The following COL5A2 variants were observed in gnomAD, a reference collection of about 807,000 sequenced individuals.
COL5A2 encodes collagen type V alpha 2 chain, also known as collagen alpha-2(V) chain.
A neutral mutation model predicts 208.2 loss-of-function variants in COL5A2; 23 were observed. That is an observed-to-expected ratio of 0.11 (90% CI 0.08 to 0.16). COL5A2 has a LOEUF of 0.16. Ranked by LOEUF, COL5A2 falls within the 10% of genes least tolerant of loss-of-function variation. COL5A2 has a pLI of 1.00. For synonymous variants in COL5A2, 625 were observed against 628.5 expected, an observed-to-expected ratio of 0.99 and a Z score of 0.08; for missense variants, 1,590 against 1,956.4, an observed-to-expected ratio of 0.81 and a Z score of 3.53.
the COL5A2 span, among the ~76,000 whole-genome samples, chr2:189,435,745 C>A: frequency 6.6e-6 from 1 of 152,178 alleles, no homozygotes; most frequent in Non-Finnish European, 1.5e-5. Flanking sequence ...TAAACTAGTT[C>A]AACCATTGTG....
At chr2:189,133,881 T>A (rs1411708704) in intron 1 of COL5A2, among the ~76,000 whole-genome samples, 1 of 152,094 alleles carries the variant, frequency 6.6e-6, no homozygotes, top group Non-Finnish European at 1.5e-5. Flanking sequence ...TTCCTTCAGG[T>A]GTTTATTTCT....
At chr2:189,295,578 G>A in the COL5A2 span, among the ~76,000 whole-genome samples, 1 of 152,184 alleles carries the variant, frequency 6.6e-6, no homozygotes, top group Admixed American at 6.5e-5. Context: ...TCACACCACT[G>A]CACTCCAGCC....
At chr2:189,183,625 A>G (rs1463625853), upstream of COL5A2, among the ~76,000 whole-genome samples, 2 of 152,142 alleles carry the variant, frequency 1.3e-5, no homozygotes, top group Non-Finnish European at 2.9e-5. Flanking sequence ...AGTCCCAAAG[A>G]TCTGAAATAG....
At chr2:189,252,803 TAA>T in the COL5A2 span, among the ~76,000 whole-genome samples, 6 of 152,022 alleles carry the variant, frequency 3.9e-5, no homozygotes, top group Admixed American at 2.0e-4. Flanking sequence ...ACATAAAAAA[TAA>T]AAAGACTCTA....
chr2:189,226,423 C>T (rs981837928), upstream of COL5A2, among the ~76,000 whole-genome samples: 3 of 152,132 alleles, frequency 2.0e-5, no homozygotes, highest in African/African-American at 7.2e-5. Context: ...CAGGAGAACA[C>T]AAAGCCAGCC....
At position 189,049,635 on chromosome 2, in the gene COL5A2, T is replaced by G. The variant is rs527580013; in HGVS notation, c.3040-181A>C. 2.0e-5 allele frequency among the ~76,000 whole-genome samples: 3 copies of G among 152,284 alleles called. 1 individual carries two copies. In the South Asian group the frequency reaches 6.2e-4, roughly 32 times the overall value. The stretch of plus-strand genomic sequence containing the variant: ...GAGGCCTGCCCACCTCCTATCAGAC[T>G]CCTCTTGACGTATCTAAGGGACCAA... On this transcript the variant is annotated intron_variant, in intron 43 of 53. Coordinates refer to ENST00000374866, the MANE Select transcript of COL5A2 (RefSeq NM_000393.5).
the COL5A2 span, among the ~76,000 whole-genome samples, chr2:189,345,109 C>T: frequency 6.6e-6 from 1 of 152,282 alleles, no homozygotes; most frequent in Non-Finnish European, 1.5e-5. Context: ...TCAATCACGA[C>T]AGGTGAGAGG....
chr2:189,056,817 C>A (rs986710326), intron 35 of COL5A2, 156 bp downstream of exon 35: 1 of 744,980 alleles, frequency 1.3e-6, no homozygotes. Context: ...ATGAATAAAC[C>A]GTGGTTGAAT....
At chr2:189,293,681 A>AT in the COL5A2 span, among the ~76,000 whole-genome samples, 1 of 152,354 alleles carries the variant, frequency 6.6e-6, no homozygotes, top group Middle Eastern at 3.4e-3. Context: ...GCAAAAAGAC[A>AT]GTTGTCCATG....
At chr2:189,203,536 T>A (rs1263839683) in intron 1 of COL5A2, among the ~76,000 whole-genome samples, 1 of 152,218 alleles carries the variant, frequency 6.6e-6, no homozygotes, top group Non-Finnish European at 1.5e-5. Context: ...ATTTTAAAAT[T>A]TTTTTACAGA....
intron 1 of COL5A2, among the ~76,000 whole-genome samples, chr2:189,205,007 A>C (rs1689125658): frequency 6.6e-6 from 1 of 152,174 alleles, no homozygotes; most frequent in Non-Finnish European, 1.5e-5. Context: ...ATAGGGAAGG[A>C]GACTCCTAAC....
chr2:189,439,206 A>C, the COL5A2 span, among the ~76,000 whole-genome samples: 2 of 152,222 alleles, frequency 1.3e-5, no homozygotes, highest in Non-Finnish European at 2.9e-5. Flanking sequence ...CATCAAAAGT[A>C]TAATAAGTTT....
chr2:189,061,492 TC>T, intron 30 of COL5A2, 69 bp downstream of exon 30: 8 of 1,136,608 alleles, frequency 7.0e-6, no homozygotes, highest in Non-Finnish European at 9.3e-6. Context: ...TCTGACCATA[TC>T]TTTTTTTTTA....
the COL5A2 span, among the ~76,000 whole-genome samples, chr2:189,379,129 T>C: frequency 2.0e-5 from 3 of 152,190 alleles, no homozygotes; most frequent in Non-Finnish European, 2.9e-5. Flanking sequence ...TGCACCGGCA[T>C]ACTAGCTTTG....
intron 7 of COL5A2, among the ~76,000 whole-genome samples, chr2:189,091,612 A>C (rs531430112): frequency 6.6e-6 from 1 of 152,296 alleles, no homozygotes; most frequent in South Asian, 2.1e-4. Context: ...GCTATTACAC[A>C]CTTTATAACA....
intron 1 of COL5A2, among the ~76,000 whole-genome samples, chr2:189,200,274 A>C (rs1037990279): frequency 1.3e-5 from 2 of 152,166 alleles, no homozygotes; most frequent in African/African-American, 4.8e-5. Flanking sequence ...AAGAAGCAGA[A>C]ATGTACTAAT....
At chr2:189,206,227 T>C (rs1689141654) in intron 1 of COL5A2, among the ~76,000 whole-genome samples, 2 of 152,050 alleles carry the variant, frequency 1.3e-5, no homozygotes, top group South Asian at 2.1e-4. Context: ...CATAAACAAA[T>C]GGCAAGAGCA....
intron 1 of COL5A2, among the ~76,000 whole-genome samples, chr2:189,161,304 G>A (rs1455072354): frequency 6.6e-6 from 1 of 151,806 alleles, no homozygotes; most frequent in Non-Finnish European, 1.5e-5. Flanking sequence ...CAGCATTATA[G>A]TTATTTGTTA....
At chr2:189,161,662 A>G (rs1294869474) in intron 1 of COL5A2, among the ~76,000 whole-genome samples, 1 of 152,238 alleles carries the variant, frequency 6.6e-6, no homozygotes, top group East Asian at 1.9e-4. Context: ...TTTGCTTGAA[A>G]TATCAGTCAC....
Sources: allele counts gnomAD v4.1 joint callset (sites outside exome capture counted in the v4.1 genomes callset), GRCh38; gene constraint gnomAD v4.1.1; transcripts MANE v1.5; gene names NCBI Gene and HGNC (gene_info 2026-07-23, HGNC 2026-07-21).